Variants in CD163L1 observed in about 807,000 individuals in gnomAD.
CD163L1 encodes scavenger receptor cysteine-rich type 1 protein M160.
Under a neutral mutation model 165.4 loss-of-function variants are expected in CD163L1, and 124 were observed. The ratio of observed to expected loss-of-function variants is 0.75; its 90% CI spans 0.65 to 0.87. The LOEUF (loss-of-function observed/expected upper bound fraction) is 0.87. Among genes scored for constraint, CD163L1 ranks in the 40% least tolerant of loss-of-function variants. The pLI is 0.00. For missense variants in CD163L1, 1,525 were observed against 1,799.9 expected (o/e 0.85, Z 2.76); for synonymous variants, 585 against 662.2 (o/e 0.88, Z 1.79).
In CD163L1 at chr12:7,373,400, A is replaced by T; in HGVS notation, c.3650T>A (p.Ile1217Asn). 1 of 1,614,142 alleles carries T rather than the reference A, an allele frequency of 6.2e-7. No homozygotes were observed. The highest frequency in any genetic ancestry group is 8.5e-7 in the Non-Finnish European group (1 of 1,180,004). Residue 1217 changes from isoleucine to asparagine, a missense_variant, in exon 14 of 20, where the codon ATC becomes AAC. Physicochemically the swap from Ile to Asn is moderately radical, Grantham distance 149. Transcript: ENST00000313599. ...GGCAGACAGGCACTGCCATATGGAG[A>T]TATGCGTTTTAGGACACTGAATGTC... is the stretch of plus-strand genomic sequence containing the variant. Reference protein sequence around the residue: ...VDDIQCPKTHISIWQCLSAPW... With the variant: ...VDDIQCPKTHNSIWQCLSAPW...
intron 4 of CD163L1, among the ~76,000 whole-genome samples, chr12:7,408,244 A>G (rs1478455101): frequency 1.3e-5 from 2 of 152,084 alleles, no homozygotes; most frequent in Non-Finnish European, 2.9e-5. Flanking sequence ...AAATTAACAA[A>G]GTAAAATTAC....
chr12:7,361,582 G>A (rs1242191718), intron 18 of CD163L1, among the ~76,000 whole-genome samples: 1 of 152,132 alleles, frequency 6.6e-6, no homozygotes, highest in Non-Finnish European at 1.5e-5. Flanking sequence ...GGTGAAGACA[G>A]CAAACTAAAA....
downstream of CD163L1, among the ~76,000 whole-genome samples, chr12:7,343,833 T>C (rs1486774930): frequency 1.3e-5 from 2 of 152,172 alleles, no homozygotes; most frequent in African/African-American, 4.8e-5. Context: ...CTCCCAATAG[T>C]CCTCTAGAGT....
intron 14 of CD163L1, 119 bp downstream of exon 14, chr12:7,373,201 T>A (rs1947178935): frequency 2.5e-6 from 2 of 802,538 alleles, no homozygotes; most frequent in Non-Finnish European, 3.9e-6. Context: ...AATCAGCACT[T>A]ATTGTCATGC....
At chr12:7,361,294 G>A (rs189657186) in intron 18 of CD163L1, among the ~76,000 whole-genome samples, 62 of 152,200 alleles carry the variant, frequency 4.1e-4, no homozygotes, top group Admixed American at 1.4e-3. Flanking sequence ...TTTCCTCTAT[G>A]TTCTCTAGCT....
In CD163L1 at chr12:7,398,324, G is replaced by A; in HGVS notation, c.1669C>T (p.His557Tyr). ...CAATTATGCTTTCCCCATCCACTGT[G>A]TTCACAGTCCCAGATATTTGACTCA... ...GNESNIWDCEHSGWGKHNCVH... is the reference protein window; with the variant it reads ...GNESNIWDCEYSGWGKHNCVH... Residue 557 changes from histidine to tyrosine, a missense_variant, in exon 7 of 20, where the codon CAC becomes TAC. His to Tyr is a moderately conservative substitution (Grantham distance 83, BLOSUM62 2). Transcript: ENST00000313599. The surrounding 1 kb of genome is among the most constrained non-coding windows in gnomAD (Gnocchi z 4.5). The A allele has an allele frequency of 6.2e-7, 1 of 1,614,130 alleles. No individual in the cohort carries two copies. Among genetic ancestry groups the A allele is most frequent in the Non-Finnish European group, 8.5e-7 (1 of 1,180,004 alleles).
intron 18 of CD163L1, among the ~76,000 whole-genome samples, chr12:7,362,299 A>G (rs1186620435): frequency 7.1e-6 from 1 of 140,630 alleles, no homozygotes; most frequent in Non-Finnish European, 1.5e-5. Flanking sequence ...TATAGTAATT[A>G]TACTATATAA....
intron 4 of CD163L1, among the ~76,000 whole-genome samples, chr12:7,421,499 G>GTACATATATACATACATA (rs1565810265): frequency 2.3e-5 from 2 of 88,536 alleles, no homozygotes; most frequent in African/African-American, 7.0e-5. Context: ...ATACATATAT[G>GTACATATATACATACATA]TACATATACA....
In CD163L1 at chr12:7,368,342, T is replaced by G; in HGVS notation, c.4073-145A>C. 2.0e-6 allele frequency: 1 copy of G among 496,134 alleles called. No individual in the cohort carries two copies. Among genetic ancestry groups the G allele is most frequent in the Non-Finnish European group, 3.6e-6 (1 of 279,624 alleles). 30.7% of individuals were successfully genotyped at this position (496,134 alleles called of 1,614,324 possible). A position where few individuals can be genotyped will look rare whatever the true frequency, so the allele number is the denominator to read the frequency against. On this transcript the variant is annotated intron_variant, in intron 16 of 19. Coordinates refer to ENST00000313599, the MANE Select transcript of CD163L1 (RefSeq NM_174941.6). This position sits in a 1 kb window ranked among gnomAD's most constrained non-coding sequence, Gnocchi z 4.3. The stretch of plus-strand genomic sequence containing the variant: ...ATATTCATGAACAGTACGTAATCTT[T>G]GAGAGCTATTTTAGATGAAAACTAT...
chr12:7,426,905 T>C (rs1401661722), intron 4 of CD163L1, among the ~76,000 whole-genome samples: 1 of 152,146 alleles, frequency 6.6e-6, no homozygotes, highest in Non-Finnish European at 1.5e-5. Flanking sequence ...CTAGAGCACC[T>C]GTGCTTATAT....
intron 2 of CD163L1, chr12:7,438,817 C>A: frequency 6.5e-7 from 1 of 1,538,064 alleles, no homozygotes; most frequent in Non-Finnish European, 8.9e-7. Flanking sequence ...CTCTCTCTTC[C>A]CCGCTCAACC....
At chr12:7,357,562 G>T in intron 18 of CD163L1, 76 bp from the exon 19 acceptor site, 1 of 1,218,946 alleles carries the variant, frequency 8.2e-7, no homozygotes, top group Non-Finnish European at 1.2e-6. Flanking sequence ...TAAGTGCAGT[G>T]TTTGATCAGC....
chr12:7,364,538 A>C (rs1013586341), intron 18 of CD163L1, among the ~76,000 whole-genome samples: 1 of 152,140 alleles, frequency 6.6e-6, no homozygotes, highest in African/African-American at 2.4e-5. Context: ...AGTTAGAAAA[A>C]TCTAAAGACT....
chr12:7,322,218 G>A, the CD163L1 span, among the ~76,000 whole-genome samples: 4 of 152,216 alleles, frequency 2.6e-5, 1 homozygote, highest in African/African-American at 4.8e-5. Context: ...AGGAATTTTC[G>A]TTATAATCAC....
chr12:7,441,084 A>T, intron 2 of CD163L1, 70 bp downstream of exon 2: 1 of 1,027,500 alleles, frequency 9.7e-7, no homozygotes, highest in Non-Finnish European at 1.5e-6. Flanking sequence ...ATATGCACTT[A>T]GGGTAGTGAG....
chr12:7,331,537 A>T, the CD163L1 span, among the ~76,000 whole-genome samples: 4 of 152,224 alleles, frequency 2.6e-5, no homozygotes, highest in African/African-American at 9.6e-5. Context: ...ACCCCCCAGT[A>T]GGGGCGGACT....
At chr12:7,358,656 A>G (rs766578659) in intron 18 of CD163L1, among the ~76,000 whole-genome samples, 23 of 152,198 alleles carry the variant, frequency 1.5e-4, no homozygotes, top group Admixed American at 1.2e-3. Context: ...CTTTACCTCA[A>G]TTCTTTGTGT....
At chr12:7,440,089 C>G (rs917584292) in intron 2 of CD163L1, 3 of 944,332 alleles carry the variant, frequency 3.2e-6, no homozygotes, top group Admixed American at 2.1e-5. Context: ...AGCGGCGTAA[C>G]GGAAGCCGAC....
chr12:7,332,307 T>C, the CD163L1 span, among the ~76,000 whole-genome samples: 1 of 152,064 alleles, frequency 6.6e-6, no homozygotes, highest in East Asian at 1.9e-4. Context: ...CTACATCTGA[T>C]TGGTGTACCT....
Sources: allele counts gnomAD v4.1 joint callset (sites outside exome capture counted in the v4.1 genomes callset), GRCh38; gene constraint gnomAD v4.1.1; non-coding constraint Gnocchi (gnomAD v3.1); transcripts MANE v1.5; gene names NCBI Gene and HGNC (gene_info 2026-07-23, HGNC 2026-07-21).